The following JAK2 variants were observed in gnomAD, a reference collection of about 807,000 sequenced individuals.
JAK2 encodes tyrosine-protein kinase JAK2.
Under a neutral mutation model 139.3 loss-of-function variants are expected in JAK2, and 86 were observed. The observed-to-expected ratio is 0.62, with a 90% CI of 0.52 to 0.74. The LOEUF (loss-of-function observed/expected upper bound fraction) is 0.74, where lower values mean the gene tolerates loss of function less well. Among genes scored for constraint, JAK2 ranks in the 30% least tolerant of loss-of-function variants. JAK2 has a pLI of 0.00. For missense variants in JAK2, 1,421 were observed against 1,360.3 expected, an observed-to-expected ratio of 1.04 and a Z score of -0.70; for synonymous variants, 490 against 437.7, an observed-to-expected ratio of 1.12 and a Z score of -1.49.
chr9:4,995,594 T>TA (rs1456505652), intron 2 of JAK2, among the ~76,000 whole-genome samples: 1 of 152,232 alleles, frequency 6.6e-6, no homozygotes, highest in African/African-American at 2.4e-5. Context: ...TGTTTCATTC[T>TA]AAAAATGGCT....
intron 3 of JAK2, among the ~76,000 whole-genome samples, chr9:5,025,629 G>C (rs1292734557): frequency 2.6e-5 from 4 of 150,954 alleles, no homozygotes; most frequent in Non-Finnish European, 5.9e-5. Flanking sequence ...CGCCTTCCAA[G>C]TTCAAGTGAT....
Position 5,129,504 on chromosome 9 carries a change from AG to A in JAK2, c.*2714del, listed in dbSNP as rs927737816. ...AAGTTTCTCTAATATTTCTAATGAA[AG>A]TTTCTCTAATTTGGGGGCATAATGT... On this transcript the variant is annotated 3_prime_UTR_variant, in exon 25 of 25. Transcript: ENST00000381652. Among the ~76,000 whole-genome samples, 32 of 152,232 alleles carry A rather than the reference AG, an allele frequency of 2.1e-4. 1 individual carries two copies. Among genetic ancestry groups the A allele is most frequent in the Admixed American group, 1.6e-3 (25 of 15,296 alleles).
intron 22 of JAK2, among the ~76,000 whole-genome samples, chr9:5,107,494 G>A (rs1386586973): frequency 6.6e-6 from 1 of 151,876 alleles, no homozygotes; most frequent in East Asian, 1.9e-4. Context: ...AATCACCACA[G>A]CCCTTATACT....
At chr9:5,095,191 T>A (rs3780371) in intron 22 of JAK2, among the ~76,000 whole-genome samples, 37,151 of 151,756 alleles carry the variant, frequency 0.24, 4,923 homozygotes, top group South Asian at 0.3. Flanking sequence ...TTGGGCCCAT[T>A]CTCCTGAAAA....
intron 4 of JAK2, chr9:5,040,851 G>T: frequency 4.5e-6 from 1 of 221,022 alleles, no homozygotes; most frequent in Non-Finnish European, 9.2e-6. Flanking sequence ...CCCAGCGCGA[G>T]CAGGAGAGGG....
At chr9:5,040,427 A>G (rs979955010) in intron 4 of JAK2, among the ~76,000 whole-genome samples, 1 of 152,234 alleles carries the variant, frequency 6.6e-6, no homozygotes, top group African/African-American at 2.4e-5. Flanking sequence ...CAAAAGCTCA[A>G]GTGACAAAAG....
chr9:5,052,129 T>C (rs933836876), intron 6 of JAK2, among the ~76,000 whole-genome samples: 1 of 152,072 alleles, frequency 6.6e-6, no homozygotes, highest in Non-Finnish European at 1.5e-5. Flanking sequence ...CTTTGACCCA[T>C]TGAAGATGAA....
At chr9:5,028,034 TGAC>T (rs1483381308) in intron 3 of JAK2, among the ~76,000 whole-genome samples, 8 of 152,238 alleles carry the variant, frequency 5.3e-5, no homozygotes, top group African/African-American at 1.9e-4. Context: ...ATGTTTTTCA[TGAC>T]GTCTAGAATG....
At position 5,088,849 on chromosome 9, in the gene JAK2, C is replaced by CTAAT. The variant is rs201405836; in HGVS notation, c.2572-823_2572-820dup. Among the ~76,000 whole-genome samples, 1,369 of 152,222 alleles carry CTAAT rather than the reference C, an allele frequency of 9.0e-3. 17 individuals are homozygous for CTAAT. The highest frequency in any genetic ancestry group is 0.03 in the African/African-American group (1,243 of 41,536). On this transcript the variant is annotated intron_variant, in intron 19 of 24. Transcript: ENST00000381652. ...CACATTAGAGTTCCACCCTTATAACCTAATTTAACTTTTATCACCTCCTCA... is the reference window on the plus strand; with the variant it reads ...CACATTAGAGTTCCACCCTTATAACCTAATTAATTTAACTTTTATCACCTCCTCA...
chr9:5,043,295 A>G (rs968908964), intron 4 of JAK2, among the ~76,000 whole-genome samples: 8 of 152,072 alleles, frequency 5.3e-5, no homozygotes, highest in African/African-American at 1.9e-4. Flanking sequence ...TTTTGAAGCC[A>G]TACAACTTAG....
chr9:5,074,156 C>A (rs1220571560), intron 14 of JAK2, among the ~76,000 whole-genome samples: 1 of 152,002 alleles, frequency 6.6e-6, no homozygotes, highest in Non-Finnish European at 1.5e-5. Flanking sequence ...AAATGATACA[C>A]TTAATTTTTA....
At chr9:5,120,180 A>AT (rs1183015881) in intron 22 of JAK2, among the ~76,000 whole-genome samples, 2 of 152,230 alleles carry the variant, frequency 1.3e-5, no homozygotes, top group African/African-American at 2.4e-5. Flanking sequence ...GAGGAACACC[A>AT]TGTCCTCACA....
chr9:5,065,159 A>C, intron 9 of JAK2, 119 bp downstream of exon 9: 2 of 554,410 alleles, frequency 3.6e-6, no homozygotes, highest in Non-Finnish European at 5.8e-6. Context: ...GTTTTTTTTA[A>C]ACAAAAGGCT....
At chr9:5,032,021 G>A (rs1032505265) in intron 4 of JAK2, among the ~76,000 whole-genome samples, 2 of 152,252 alleles carry the variant, frequency 1.3e-5, no homozygotes, top group Non-Finnish European at 2.9e-5. Context: ...CAAAGAAAGG[G>A]GTGACAGACG....
chr9:4,990,608 A>G (rs58710672), intron 2 of JAK2, among the ~76,000 whole-genome samples: 1 of 139,174 alleles, frequency 7.2e-6, no homozygotes, highest in African/African-American at 3.3e-5. Context: ...GGAGACAAAG[A>G]AAAAAACAGT....
chr9:5,050,964 G>A, intron 6 of JAK2, 133 bp downstream of exon 6: 1 of 789,050 alleles, frequency 1.3e-6, no homozygotes, highest in Non-Finnish European at 2.0e-6. Context: ...AAAATGCTTG[G>A]AATCAGAAAT....
rs546307076 is a variant in JAK2, at chr9:5,023,707, G to A, written c.226+1494G>A. On this transcript the variant is annotated intron_variant, in intron 3 of 24. Transcript: ENST00000381652. ...TTCCTTGCTTTTCTGTTGAATACCA[G>A]TGTTCCTCTTGGATAATCTACTCAA... 5.3e-5 allele frequency among the ~76,000 whole-genome samples: 8 copies of A among 152,228 alleles called. No individual in the cohort carries two copies. In the South Asian group the frequency reaches 1.7e-3, roughly 32 times the overall value.
intron 22 of JAK2, chr9:5,109,161 CAAT>C (rs1822228519): frequency 6.6e-6 from 1 of 152,168 alleles, no homozygotes; most frequent in East Asian, 1.9e-4. Context: ...AATCACAACA[CAAT>C]GAGGGACACT....
intron 22 of JAK2, among the ~76,000 whole-genome samples, chr9:5,120,191 T>C (rs559253860): frequency 6.6e-6 from 1 of 152,318 alleles, no homozygotes; most frequent in Admixed American, 6.5e-5. Flanking sequence ...TGTCCTCACA[T>C]GGACAAAAGT....
Sources: gnomAD v4.1 joint callset for allele counts (sites outside exome capture counted in the v4.1 genomes callset) on GRCh38, gnomAD v4.1.1 for gene constraint, MANE v1.5 for transcripts, NCBI Gene and HGNC (gene_info 2026-07-23, HGNC 2026-07-21) for gene names.